The following MCM9 variants were observed in gnomAD, a reference collection of about 807,000 sequenced individuals.
MCM9 encodes the protein minichromosome maintenance 9 homologous recombination repair factor.
A neutral mutation model predicts 72.8 loss-of-function variants in MCM9; 55 were observed. The ratio of observed to expected loss-of-function variants is 0.76; its 90% CI spans 0.61 to 0.95. MCM9 has a LOEUF of 0.95. Ranked by LOEUF, MCM9 falls within the 40% of genes least tolerant of loss-of-function variation. The pLI is 0.00. For missense variants in MCM9, 1,279 were observed against 1,377.0 expected (o/e 0.93, Z 1.13); for synonymous variants, 480 against 503.4 (o/e 0.95, Z 0.62).
chr6:118,865,040 C>T (rs1014312189), intron 8 of MCM9, among the ~76,000 whole-genome samples: 18 of 152,188 alleles, frequency 1.2e-4, no homozygotes, highest in African/African-American at 4.3e-4. Context: ...GAGTCTTCTC[C>T]CCTGGCTCAT....
intron 3 of MCM9, among the ~76,000 whole-genome samples, chr6:118,930,820 T>C (rs1426702962): frequency 6.6e-6 from 1 of 152,140 alleles, no homozygotes; most frequent in Non-Finnish European, 1.5e-5. Flanking sequence ...ACTCTATCCA[T>C]CCTACTAAAA....
chr6:118,850,207 T>C (rs2114659078), intron 9 of MCM9, among the ~76,000 whole-genome samples: 1 of 151,884 alleles, frequency 6.6e-6, no homozygotes, highest in East Asian at 1.9e-4. Context: ...ACATATAACC[T>C]CAGTGGTATA....
chr6:118,864,103 T>A (rs1777069220), intron 8 of MCM9, among the ~76,000 whole-genome samples: 1 of 152,124 alleles, frequency 6.6e-6, no homozygotes, highest in African/African-American at 2.4e-5. Context: ...AGGTGGTATT[T>A]TGGTTATGTG....
chr6:118,909,693 C>T (rs1780399916), intron 8 of MCM9, among the ~76,000 whole-genome samples: 1 of 152,130 alleles, frequency 6.6e-6, no homozygotes, highest in Admixed American at 6.5e-5. Flanking sequence ...TTTATTTGCC[C>T]ATTCATAACC....
chr6:118,820,297 G>T (rs1321768770), intron 13 of MCM9, among the ~76,000 whole-genome samples: 1 of 152,158 alleles, frequency 6.6e-6, no homozygotes, highest in South Asian at 2.1e-4. Context: ...CTTTAGCTGT[G>T]TCCCAGAGAT....
chr6:118,923,029 C>CAAAAAAAAAAAA (rs780562520), intron 4 of MCM9, among the ~76,000 whole-genome samples: 3 of 43,504 alleles, frequency 6.9e-5, no homozygotes, highest in Non-Finnish European at 1.0e-4. Context: ...AACTCCATCT[C>CAAAAAAAAAAAA]AAAAAAAAAA....
At chr6:118,839,156 G>A (rs1016714839) in intron 9 of MCM9, among the ~76,000 whole-genome samples, 1 of 151,322 alleles carries the variant, frequency 6.6e-6, no homozygotes, top group African/African-American at 2.4e-5. Flanking sequence ...TCATCTTCAC[G>A]CTTTATTTCA....
chr6:118,902,561 C>T (rs1173698506), intron 8 of MCM9, among the ~76,000 whole-genome samples: 1 of 119,222 alleles, frequency 8.4e-6, no homozygotes, highest in African/African-American at 3.2e-5. Flanking sequence ...ACTATAAGAA[C>T]TTACAAATAA....
At chr6:118,925,356 A>G (rs1056259966) in intron 3 of MCM9, among the ~76,000 whole-genome samples, 9 of 152,346 alleles carry the variant, frequency 5.9e-5, no homozygotes, top group African/African-American at 2.2e-4. Context: ...GAGAAATGCC[A>G]TAATAGGAAT....
At chr6:118,823,066 C>T (rs1460434132) in intron 13 of MCM9, among the ~76,000 whole-genome samples, 3 of 152,160 alleles carry the variant, frequency 2.0e-5, no homozygotes, top group Non-Finnish European at 4.4e-5. Context: ...GTGGGACCCA[C>T]TGAGACCATT....
chr6:118,882,630 A>G (rs181101985), intron 8 of MCM9, among the ~76,000 whole-genome samples: 47 of 152,350 alleles, frequency 3.1e-4, no homozygotes, highest in African/African-American at 1.1e-3. Context: ...GCCGAGTATG[A>G]TACCAAACAG....
intron 9 of MCM9, among the ~76,000 whole-genome samples, chr6:118,829,499 T>C (rs1364530666): frequency 6.6e-6 from 1 of 152,220 alleles, no homozygotes; most frequent in East Asian, 1.9e-4. Flanking sequence ...GGAGACCCCT[T>C]TGCTAAGTGC....
chr6:118,816,328 G>C, intron 13 of MCM9, 34 bp from the exon 14 acceptor site: 2 of 1,461,300 alleles, frequency 1.4e-6, no homozygotes, highest in East Asian at 2.5e-5. Flanking sequence ...AACATGTCTT[G>C]AAGGGAAGAG....
chr6:118,885,137 A>C (rs1187223357), intron 8 of MCM9, among the ~76,000 whole-genome samples: 1 of 152,220 alleles, frequency 6.6e-6, no homozygotes, highest in Non-Finnish European at 1.5e-5. Context: ...CGGAGCTTAC[A>C]GTGAGCTGAG....
intron 9 of MCM9, among the ~76,000 whole-genome samples, chr6:118,849,883 A>G (rs1168855375): frequency 6.6e-6 from 1 of 151,844 alleles, no homozygotes; most frequent in Admixed American, 6.6e-5. Context: ...TATTTTTCCA[A>G]AAAAAAGAAA....
intron 8 of MCM9, among the ~76,000 whole-genome samples, chr6:118,901,932 C>G (rs1779819789): frequency 6.6e-6 from 1 of 152,192 alleles, no homozygotes; most frequent in Non-Finnish European, 1.5e-5. Context: ...CAAAGAATCA[C>G]TTAGACACAT....
intron 8 of MCM9, among the ~76,000 whole-genome samples, chr6:118,864,081 T>C (rs1473293655): frequency 6.6e-6 from 1 of 152,056 alleles, no homozygotes; most frequent in Non-Finnish European, 1.5e-5. Context: ...ATTTCAATAG[T>C]TTTTGGGGTA....
intron 9 of MCM9, among the ~76,000 whole-genome samples, chr6:118,844,976 A>G (rs950744781): frequency 6.6e-6 from 1 of 151,898 alleles, no homozygotes; most frequent in Non-Finnish European, 1.5e-5. Context: ...ACAGCCATAC[A>G]GGAACAGCTG....
chr6:118,867,477 G>T (rs750367340), intron 8 of MCM9, among the ~76,000 whole-genome samples: 1 of 152,102 alleles, frequency 6.6e-6, no homozygotes, highest in African/African-American at 2.4e-5. Context: ...CTAATCCAGC[G>T]CAACTTCCAG....
Sources: gnomAD v4.1 joint callset for allele counts (sites outside exome capture counted in the v4.1 genomes callset) on GRCh38, gnomAD v4.1.1 for gene constraint, MANE v1.5 for transcripts, NCBI Gene and HGNC (gene_info 2026-07-23, HGNC 2026-07-21) for gene names.